PML: variants seen among roughly 807,000 people sequenced by gnomAD.
The protein encoded by PML is PML nuclear body scaffold.
In PML, 28 loss-of-function variants were observed where a neutral mutation model predicts 65.2. The ratio of observed to expected loss-of-function variants is 0.43; its 90% CI spans 0.32 to 0.59. The LOEUF (loss-of-function observed/expected upper bound fraction) is 0.59, where lower values mean the gene tolerates loss of function less well. Among genes scored for constraint, PML ranks in the 20% least tolerant of loss-of-function variants. PML has a pLI of 0.08. For missense variants in PML, 1,021 were observed against 1,203.4 expected (o/e 0.85, Z 2.24); for synonymous variants, 500 against 508.8 (o/e 0.98, Z 0.23).
At chr15:74,016,762 T>C (rs1362357727) in intron 2 of PML, among the ~76,000 whole-genome samples, 3 of 149,406 alleles carry the variant, frequency 2.0e-5, no homozygotes, top group East Asian at 2.0e-4. Context: ...CAAAAAAATA[T>C]ACAGTTTTGA....
In PML at chr15:74,043,018, T is replaced by G. The variant is rs200104189; in HGVS notation, c.1740T>G (p.Ser580Arg). The G allele has an allele frequency of 3.7e-4, 605 of 1,613,434 alleles. 5 individuals are homozygous for G. Among genetic ancestry groups the G allele is most frequent in the Non-Finnish European group, 3.9e-5 (46 of 1,179,920 alleles). The stretch of plus-strand genomic sequence containing the variant: ...CCCGAGAGCTGGATGACAGCAGCAG[T>G]GAGTCCAGTGACCTCCAGCTGGAAG... ...SSSRELDDSSSESSDLQLEGP... is the reference protein window; with the variant it reads ...SSSRELDDSSRESSDLQLEGP... Residue 580 changes from serine (S) to arginine (R), a missense_variant, in exon 8 of 9, where the codon AGT (serine) becomes AGG (arginine). Ser to Arg is a moderately radical substitution (Grantham distance 110). Transcript: ENST00000268058. This position sits in a 1 kb window ranked among gnomAD's most constrained non-coding sequence, Gnocchi z 4.3.
chr15:74,034,417 C>T (rs2071450464), intron 6 of PML, 61 bp from the exon 7 acceptor site: 1 of 1,613,242 alleles, frequency 6.2e-7, no homozygotes, highest in Non-Finnish European at 8.5e-7. Flanking sequence ...GGTGCACACC[C>T]ACACCCCTCC....
At position 74,044,897 on chromosome 15, in the gene PML, G is replaced by A; in HGVS notation, c.2538G>A (p.Leu846=). 1 of 1,613,544 alleles carries A rather than the reference G, an allele frequency of 6.2e-7. No homozygotes were observed. Among genetic ancestry groups the A allele is most frequent in the Non-Finnish European group, 8.5e-7 (1 of 1,180,024 alleles). ...AGCCTGCTTTCAACCTGCAGGCTCTGGGCACCTACTTTGAAGGCCTGTTGG... is the reference window on the plus strand; with the variant it reads ...AGCCTGCTTTCAACCTGCAGGCTCTAGGCACCTACTTTGAAGGCCTGTTGG... ...PAQPAFNLQA[L]GTYFEGLLEG... The change falls in exon 9 of 9, where the codon CTG becomes CTA. Residue 846 remains leucine, a synonymous_variant. Coordinates refer to ENST00000268058, the MANE Select transcript of PML (RefSeq NM_033238.3).
rs909254474 is a variant in PML, at chr15:74,044,792, A to G, written c.2433A>G (p.Ala811=). 12 of 1,612,994 alleles carry G rather than the reference A, an allele frequency of 7.4e-6. No homozygotes were observed. In the East Asian group the frequency reaches 2.7e-4, roughly 36 times the overall value. The change falls in exon 9 of 9, where the codon GCA becomes GCG. Residue 811 remains alanine (A), a synonymous_variant. Coordinates refer to ENST00000268058, the MANE Select transcript of PML (RefSeq NM_033238.3). The part of the protein sequence containing the change: ...HNVSFMELLS[A]HRRDRQGGLK... ...TGAGCTTCATGGAGCTGCTGAGTGC[A>G]CACCGCCGTGACCGGCAGGGGGGCC...
intron 2 of PML, among the ~76,000 whole-genome samples, chr15:74,011,982 G>GA (rs763530190): frequency 3.9e-5 from 6 of 152,198 alleles, no homozygotes; most frequent in Non-Finnish European, 7.3e-5. Context: ...TGTTTCTTAA[G>GA]AATTTAGAGT....
Position 74,043,650 on chromosome 15 carries a change from A to G in PML, c.1861+511A>G. 1 of 504,158 alleles carries G rather than the reference A, an allele frequency of 2.0e-6. No individual in the cohort carries two copies. Among genetic ancestry groups the G allele is most frequent in the South Asian group, 1.5e-5 (1 of 65,608 alleles). The allele number at this position is 504,158 out of a possible 1,614,324, so 31.2% of individuals were successfully genotyped here. A position where few individuals can be genotyped will look rare whatever the true frequency, so the allele number is the denominator to read the frequency against. ...CTGGCTCTGCAAATGCCCCTCCTTG[A>G]GCCAGAGCCCCAGGCCCTACCCTGT... On this transcript the variant is annotated intron_variant, in intron 8 of 8. Transcript: ENST00000268058. This position sits in a 1 kb window ranked among gnomAD's most constrained non-coding sequence, Gnocchi z 4.3.
Position 74,035,491 on chromosome 15 carries a change from A to T in PML, c.1710+961A>T. On this transcript the variant is annotated intron_variant, in intron 7 of 8. Transcript: ENST00000268058. This position sits in a 1 kb window ranked among gnomAD's most constrained non-coding sequence, Gnocchi z 4.1. ...CGCCATGCCCTCCGCTTGCACCCTC[A>T]ATTGCATCGGGCCCCTATTCGGACT... 4 of 1,612,154 alleles carry T rather than the reference A, an allele frequency of 2.5e-6. No homozygotes were observed. The highest frequency in any genetic ancestry group is 3.4e-6 in the Non-Finnish European group (4 of 1,179,904).
At position 74,033,335 on chromosome 15, in the gene PML, T is replaced by C. The variant is rs2141872075; in HGVS notation, c.1578T>C (p.Pro526=). 1 of 1,614,102 alleles carries C rather than the reference T, an allele frequency of 6.2e-7. No individual in the cohort carries two copies. The highest frequency in any genetic ancestry group is 1.7e-5 in the Admixed American group (1 of 60,026). The change falls in exon 6 of 9, where the codon CCT becomes CCC. Residue 526 remains proline (P), a synonymous_variant. Coordinates refer to ENST00000268058, the MANE Select transcript of PML (RefSeq NM_033238.3). ...AVSPPHLDGP[P]SPRSPVIGSE... ...CACCACCCCACCTGGATGGACCGCCTAGCCCCAGGAGCCCCGTCATAGGAA... is the reference window on the plus strand; with the variant it reads ...CACCACCCCACCTGGATGGACCGCCCAGCCCCAGGAGCCCCGTCATAGGAA...
chr15:74,025,917 G>C (rs2141843918), intron 4 of PML: 1 of 152,546 alleles, frequency 6.6e-6, no homozygotes, highest in East Asian at 1.9e-4. Flanking sequence ...TTCTGGTGGT[G>C]GGTAGGGGCC....
In PML at chr15:74,036,529, C is replaced by T. The variant is rs1003950157; in HGVS notation, c.1710+1999C>T. 8 of 988,284 alleles carry T rather than the reference C, an allele frequency of 8.1e-6. No individual in the cohort carries two copies. The African/African-American group carries it at 1.2e-4, about 14-fold the overall frequency. The allele number at this position is 988,284 out of a possible 1,614,324, so 61.2% of individuals were successfully genotyped here. A position where few individuals can be genotyped will look rare whatever the true frequency, so the allele number is the denominator to read the frequency against. ...CCATGTCCCCTCTTCCTCCCACACT[C>T]ATGGGCATCAGAGGTGGGAGGTAGG... On this transcript the variant is annotated intron_variant, in intron 7 of 8. Coordinates refer to ENST00000268058, the MANE Select transcript of PML (RefSeq NM_033238.3).
In PML at chr15:74,035,363, C is replaced by G. The variant is rs140216915; in HGVS notation, c.1710+833C>G. On this transcript the variant is annotated intron_variant, in intron 7 of 8. Coordinates refer to ENST00000268058, the MANE Select transcript of PML (RefSeq NM_033238.3). This position sits in a 1 kb window ranked among gnomAD's most constrained non-coding sequence, Gnocchi z 4.1. ...AGCCCGCTGAGCAGGCTGCCACCCCCGATGCTGAGCCTCACAGCGAGCCTC... is the reference window on the plus strand; with the variant it reads ...AGCCCGCTGAGCAGGCTGCCACCCCGGATGCTGAGCCTCACAGCGAGCCTC... 15 of 1,612,062 alleles carry G rather than the reference C, an allele frequency of 9.3e-6. No individual in the cohort carries two copies. The highest frequency in any genetic ancestry group is 1.7e-5 in the Admixed American group (1 of 60,028).
chr15:73,999,326 T>A (rs1483105032), intron 2 of PML, among the ~76,000 whole-genome samples: 1 of 152,240 alleles, frequency 6.6e-6, no homozygotes, highest in East Asian at 1.9e-4. Flanking sequence ...TTCTTGGTTC[T>A]TAGAGATCCA....
In PML at chr15:74,033,172, C is replaced by T. The variant is rs200123201; in HGVS notation, c.1415C>T (p.Thr472Met). 44 of 1,614,114 alleles carry T rather than the reference C, an allele frequency of 2.7e-5. No homozygotes were observed. Among genetic ancestry groups the T allele is most frequent in the African/African-American group, 1.1e-4 (8 of 75,036 alleles). ...TCTATGCAGGATGTCTCCAATACAA[C>T]GACAGCCCAGAAGAGGAAGTGCAGC... ...PSYGEDVSNTTTAQKRKCSQT... is the reference protein window; with the variant it reads ...PSYGEDVSNTMTAQKRKCSQT... Residue 472 changes from threonine to methionine, a missense_variant, in exon 6 of 9, where the codon ACG (threonine) becomes ATG (methionine). Transcript: ENST00000268058.
chr15:74,004,699 A>T (rs2069950055), intron 2 of PML, among the ~76,000 whole-genome samples: 1 of 151,944 alleles, frequency 6.6e-6, no homozygotes, highest in African/African-American at 2.4e-5. Flanking sequence ...CATCTCAGGG[A>T]AATTGTATTC....
chr15:74,012,412 G>A (rs955974507), intron 2 of PML, among the ~76,000 whole-genome samples: 2 of 152,172 alleles, frequency 1.3e-5, no homozygotes, highest in Admixed American at 6.5e-5. Context: ...CTGACCTCGT[G>A]ATCCACCCAC....
In PML at chr15:74,019,337, C is replaced by T. The variant is rs562245792; in HGVS notation, c.603-3491C>T. Among the ~76,000 whole-genome samples the T allele has an allele frequency of 2.6e-5, 4 of 152,370 alleles. No homozygotes were observed. In the East Asian group the frequency reaches 7.7e-4, roughly 29 times the overall value. On this transcript the variant is annotated intron_variant, in intron 2 of 8. Transcript: ENST00000268058. ...CCAACATCAGACACAGCCCCTCTCCCCAAGTGTCCAAGATCCAAAGGGGGA... is the reference window on the plus strand; with the variant it reads ...CCAACATCAGACACAGCCCCTCTCCTCAAGTGTCCAAGATCCAAAGGGGGA...
intron 2 of PML, among the ~76,000 whole-genome samples, chr15:74,006,390 CAAAAAAAAAA>C (rs372202858): frequency 1.1e-5 from 1 of 87,554 alleles, no homozygotes; most frequent in Non-Finnish European, 2.1e-5. Context: ...GACTCCGTCT[CAAAAAAAAAA>C]AAAAAAAAAA....
intron 2 of PML, among the ~76,000 whole-genome samples, chr15:74,001,646 A>G (rs1281819039): frequency 6.6e-6 from 1 of 152,182 alleles, no homozygotes; most frequent in African/African-American, 2.4e-5. Flanking sequence ...CTGCCTAATA[A>G]TAACTCTTTT....
Position 74,047,109 on chromosome 15 carries a change from G to C in PML, c.*2101G>C, listed in dbSNP as rs1179453871. 1 of 230,524 alleles carries C rather than the reference G, an allele frequency of 4.3e-6. No individual in the cohort carries two copies. The highest frequency in any genetic ancestry group is 8.6e-6 in the Non-Finnish European group (1 of 116,386). 14.3% of individuals were successfully genotyped at this position (230,524 alleles called of 1,614,324 possible). ...AGAGAAAGTCAGGAACTAGAGACCA[G>C]AGTCTGCAGGAACTTTGCCACTGCC... On this transcript the variant is annotated 3_prime_UTR_variant, in exon 9 of 9. Coordinates refer to ENST00000268058, the MANE Select transcript of PML (RefSeq NM_033238.3).
Sources: gnomAD v4.1 joint callset for allele counts (sites outside exome capture counted in the v4.1 genomes callset) on GRCh38, gnomAD v4.1.1 for gene constraint, Gnocchi (gnomAD v3.1) non-coding constraint, MANE v1.5 for transcripts, NCBI Gene and HGNC (gene_info 2026-07-23, HGNC 2026-07-21) for gene names.